Variants in EXOSC7 observed in about 807,000 individuals in gnomAD.
EXOSC7 encodes the protein exosome complex component RRP42.
EXOSC7 carries 25 observed loss-of-function variants against 34.3 expected under a neutral mutation model. The observed-to-expected ratio is 0.73, with a 90% CI of 0.53 to 1.02. The LOEUF (loss-of-function observed/expected upper bound fraction) is 1.02. EXOSC7 is among the 50% of genes least tolerant of loss of function. The pLI, the probability that EXOSC7 is intolerant of heterozygous loss-of-function variation, is 0.00. For synonymous variants in EXOSC7, 130 were observed against 143.0 expected (o/e 0.91, Z 0.65); for missense variants, 370 against 368.5 (o/e 1.00, Z -0.03).
intron 1 of EXOSC7, among the ~76,000 whole-genome samples, chr3:44,977,954 T>TCCCA (rs1706154800): frequency 6.6e-6 from 1 of 152,082 alleles, no homozygotes; most frequent in African/African-American, 2.4e-5. Flanking sequence ...AGCAGCAGAG[T>TCCCA]CCCACCATGG....
At chr3:44,979,877 A>T (rs1282986217) in intron 1 of EXOSC7, among the ~76,000 whole-genome samples, 2 of 152,066 alleles carry the variant, frequency 1.3e-5, no homozygotes, top group Admixed American at 6.6e-5. Context: ...CATTTTAGTT[A>T]TTGGCAGAAA....
intron 1 of EXOSC7, among the ~76,000 whole-genome samples, chr3:44,985,279 C>T (rs998587768): frequency 6.6e-6 from 1 of 152,176 alleles, no homozygotes; most frequent in African/African-American, 2.4e-5. Flanking sequence ...ACTTGAAATT[C>T]TGTTGCTTTT....
At position 44,997,050 on chromosome 3, in the gene EXOSC7, A is replaced by G. The variant is rs377459123; in HGVS notation, c.255-37A>G. ...TGCCTCTTTGCTTTTTGCACTTGGA[A>G]AGACTCACCCAGTTTTTTTGTTTCT... On this transcript the variant is annotated intron_variant, in intron 3 of 7. Transcript: ENST00000265564. 4.4e-6 allele frequency: 7 copies of G among 1,603,038 alleles called. No individual in the cohort carries two copies. The African/African-American group carries it at 8.0e-5, about 18-fold the overall frequency.
intron 3 of EXOSC7, among the ~76,000 whole-genome samples, chr3:44,993,171 GA>G (rs1706617941): frequency 6.6e-6 from 1 of 152,182 alleles, no homozygotes; most frequent in Non-Finnish European, 1.5e-5. Context: ...AAGCTGATGA[GA>G]TAACTCTCGC....
At position 45,001,527 on chromosome 3, in the gene EXOSC7, G is replaced by A; in HGVS notation, c.421-11G>A. ...GGTTTTTTTTCCTTTTTCAATTCCT[G>A]TCTCCCTTAGCTTCTGGAATGTGGT... On this transcript the variant is annotated splice_polypyrimidine_tract_variant and intron_variant, in intron 4 of 7. Transcript: ENST00000265564. 1.9e-6 allele frequency: 3 copies of A among 1,606,960 alleles called. No homozygotes were observed. The highest frequency in any genetic ancestry group is 2.6e-6 in the Non-Finnish European group (3 of 1,174,174).
intron 3 of EXOSC7, among the ~76,000 whole-genome samples, chr3:44,991,388 G>T (rs190420309): frequency 3.2e-4 from 48 of 152,348 alleles, no homozygotes; most frequent in African/African-American, 1.2e-3. Context: ...GTTCTTGGAG[G>T]AAGCAGAATG....
rs538691693 is a variant in EXOSC7 at position 44,998,039 on chromosome 3, GT to G, written c.420+801del. On this transcript the variant is annotated intron_variant, in intron 4 of 7. Coordinates refer to ENST00000265564, the MANE Select transcript of EXOSC7 (RefSeq NM_015004.4). ...CTAATTAATTTTTTTTTGTTTTTTT[GT>G]TTTTTTTTTTTTTGAGATGGAGTCT... Among the ~76,000 whole-genome samples the G allele has an allele frequency of 2.1e-3, 280 of 134,658 alleles. 2 individuals carry two copies. Among genetic ancestry groups the G allele is most frequent in the African/African-American group, 5.4e-3 (196 of 36,430 alleles). 88.3% of individuals were successfully genotyped at this position (134,658 alleles called of 152,430 possible). A position where few individuals can be genotyped will look rare whatever the true frequency, so the allele number is the denominator to read the frequency against.
chr3:45,007,360 CAG>C (rs1371955131), intron 6 of EXOSC7, 58 bp from the exon 7 acceptor site: 3 of 1,586,586 alleles, frequency 1.9e-6, no homozygotes, highest in African/African-American at 1.3e-5. Flanking sequence ...ACGAGGCCAT[CAG>C]GGGTGGGACT....
intron 3 of EXOSC7, among the ~76,000 whole-genome samples, chr3:44,992,713 T>A (rs1174233053): frequency 6.6e-6 from 1 of 152,202 alleles, no homozygotes; most frequent in Non-Finnish European, 1.5e-5. Context: ...GGTTTCTATC[T>A]AAAGCCCAAA....
intron 1 of EXOSC7, 62 bp downstream of exon 1, chr3:44,976,396 C>T: frequency 1.4e-6 from 2 of 1,462,926 alleles, no homozygotes; most frequent in Non-Finnish European, 9.1e-7. Context: ...GGGTCGCGGC[C>T]TGCCCTGGGT....
chr3:45,006,419 T>C (rs2125973359), intron 6 of EXOSC7, among the ~76,000 whole-genome samples: 1 of 132,526 alleles, frequency 7.5e-6, no homozygotes, highest in South Asian at 2.7e-4. Context: ...TTTTTTTTTT[T>C]TTTTTTTTGA....
At chr3:44,980,127 A>G (rs1706236293) in intron 1 of EXOSC7, among the ~76,000 whole-genome samples, 1 of 152,224 alleles carries the variant, frequency 6.6e-6, no homozygotes, top group South Asian at 2.1e-4. Flanking sequence ...AGATGCAGGC[A>G]CTATCAGAAA....
rs762547013 is a variant in EXOSC7, at chr3:44,976,260, G to A, written c.-18G>A. 5.8e-6 allele frequency: 9 copies of A among 1,544,342 alleles called. No individual in the cohort carries two copies. The highest frequency in any genetic ancestry group is 2.1e-5 in the Admixed American group (1 of 46,964). ...GACGCGCGCAGATGACGTGCGGCTC[G>A]TGGGGCAGCTCGGCAGCATGGCGTC... On this transcript the variant is annotated 5_prime_UTR_variant, in exon 1 of 8. It adds an upstream start codon to the 5' untranslated region. Transcript: ENST00000265564.
chr3:45,009,271 T>C (rs1707138626), intron 7 of EXOSC7, among the ~76,000 whole-genome samples: 1 of 152,214 alleles, frequency 6.6e-6, no homozygotes, highest in African/African-American at 2.4e-5. Flanking sequence ...CCTGTCTTAC[T>C]GTTTATCTCA....
At chr3:44,978,847 C>T (rs1706195511) in intron 1 of EXOSC7, among the ~76,000 whole-genome samples, 1 of 152,154 alleles carries the variant, frequency 6.6e-6, no homozygotes, top group Non-Finnish European at 1.5e-5. Context: ...TCTTGGAAGG[C>T]AATAGCCTGT....
rs747418033 is a variant in EXOSC7, at chr3:44,989,590, G to A, written c.200G>A (p.Gly67Glu). 6.2e-7 allele frequency: 1 copy of A among 1,614,000 alleles called. No homozygotes were observed. The highest frequency in any genetic ancestry group is 1.3e-5 in the African/African-American group (1 of 74,896). Residue 67 changes from glycine to glutamate, a missense_variant, in exon 3 of 8, where the codon GGG becomes GAG. Gly to Glu is a moderately conservative substitution (Grantham distance 98). Transcript: ENST00000265564. ...TTGGTGGGAGTGAAAGCAGAAATGG[G>A]GACGCCGAAGCTGGAGAAACCAAAT... ...DILVGVKAEM[G>E]TPKLEKPNEG...
At chr3:44,988,363 A>G (rs958427594) in intron 1 of EXOSC7, among the ~76,000 whole-genome samples, 9 of 152,326 alleles carry the variant, frequency 5.9e-5, no homozygotes, top group African/African-American at 2.2e-4. Flanking sequence ...GTACTGATAC[A>G]AGTAATTGAA....
chr3:45,006,518 G>A (rs1213459706), intron 6 of EXOSC7, among the ~76,000 whole-genome samples: 5 of 140,792 alleles, frequency 3.6e-5, no homozygotes, highest in Non-Finnish European at 6.1e-5. Context: ...CTGGGTTCAC[G>A]CCATTCTCCT....
chr3:44,982,474 C>T (rs755738764), intron 1 of EXOSC7, among the ~76,000 whole-genome samples: 1 of 152,198 alleles, frequency 6.6e-6, no homozygotes, highest in African/African-American at 2.4e-5. Context: ...TGGCAATTGA[C>T]GAACCCTACC....
Sources: allele counts gnomAD v4.1 joint callset (sites outside exome capture counted in the v4.1 genomes callset), GRCh38; gene constraint gnomAD v4.1.1; transcripts MANE v1.5; gene names NCBI Gene and HGNC (gene_info 2026-07-23, HGNC 2026-07-21).